Variants in AK7 observed in about 807,000 individuals in gnomAD.
AK7 encodes ATP-AMP transphosphorylase 7.
A neutral mutation model predicts 96.6 loss-of-function variants in AK7; 78 were observed. The observed-to-expected ratio is 0.81, with a 90% CI of 0.67 to 0.97. The LOEUF is 0.97. Among genes scored for constraint, AK7 ranks in the 50% least tolerant of loss-of-function variants. AK7 has a pLI of 0.00. For synonymous variants in AK7, 302 were observed against 317.2 expected (o/e 0.95, Z 0.51); for missense variants, 855 against 887.9 (o/e 0.96, Z 0.47).
chr14:96,464,884 G>T (rs1192845255), intron 12 of AK7, among the ~76,000 whole-genome samples: 1 of 152,134 alleles, frequency 6.6e-6, no homozygotes, highest in Non-Finnish European at 1.5e-5. Context: ...TCACCCAGCA[G>T]GTTTGGCTTT....
chr14:96,459,561 T>C (rs143977608), intron 12 of AK7, among the ~76,000 whole-genome samples: 1,583 of 152,056 alleles, frequency 0.01, 19 homozygotes, highest in Middle Eastern at 0.014. Flanking sequence ...AAATCCTTAA[T>C]AGAAAAAAAT....
chr14:96,406,440 G>A lies in AK7; in HGVS notation c.403+1575G>A, dbSNP rs8016521. ...TTTTACTGCTTCCTTCTAATAAAGA[G>A]GTTCGAATCATCAAGAAAATTTTCC... On this transcript the variant is annotated intron_variant, in intron 3 of 17. Coordinates refer to ENST00000267584, the MANE Select transcript of AK7 (RefSeq NM_152327.5). 8.8e-3 allele frequency among the ~76,000 whole-genome samples: 1,338 copies of A among 152,246 alleles called. 22 individuals are homozygous for A. The highest frequency in any genetic ancestry group is 0.031 in the African/African-American group (1,289 of 41,550).
At chr14:96,471,730 G>T (rs527255055) in intron 13 of AK7, 124 bp downstream of exon 13, 9 of 871,672 alleles carry the variant, frequency 1.0e-5, no homozygotes, top group Non-Finnish European at 9.4e-6. Context: ...TTTGAGCTTT[G>T]GCTCACCTTT....
rs1447693006 is a variant in AK7 at position 96,478,616 on chromosome 14, T to C, written c.1707T>C (p.Thr569=). The change falls in exon 15 of 18, where the codon ACT becomes ACC. Residue 569 remains threonine (T), a synonymous_variant. Coordinates refer to ENST00000267584, the MANE Select transcript of AK7 (RefSeq NM_152327.5). ...NYRDINIDDE[T]VFNYFDELEI... is the part of the protein sequence containing the mutation. The stretch of plus-strand genomic sequence containing the variant: ...GGGACATCAATATCGACGATGAGAC[T>C]GTCTTCAACTATTTTGATGAACTTG... 3 of 1,614,224 alleles carry C rather than the reference T, an allele frequency of 1.9e-6. No individual in the cohort carries two copies. The highest frequency in any genetic ancestry group is 1.3e-5 in the African/African-American group (1 of 75,074).
chr14:96,453,650 T>C lies in AK7; in HGVS notation c.1098+2080T>C, dbSNP rs560480467. On this transcript the variant is annotated intron_variant, in intron 10 of 17. Coordinates refer to ENST00000267584, the MANE Select transcript of AK7 (RefSeq NM_152327.5). ...TCTGATCAAAGCTCATCAAGCAGCC[T>C]TATAAGACTTGGCTCCCAGTGTCCA... 5.3e-5 allele frequency among the ~76,000 whole-genome samples: 8 copies of C among 152,340 alleles called. No individual in the cohort carries two copies. The East Asian group carries it at 1.5e-3, about 29-fold the overall frequency.
At chr14:96,449,286 C>A (rs1893436972) in intron 8 of AK7, among the ~76,000 whole-genome samples, 3 of 152,220 alleles carry the variant, frequency 2.0e-5, no homozygotes, top group African/African-American at 7.2e-5. Flanking sequence ...TGATAAATAT[C>A]TGTGTACAGT....
In AK7 at chr14:96,420,722, T is replaced by C. The variant is rs763446881; in HGVS notation, c.499-100T>C. 5.1e-4 allele frequency: 436 copies of C among 847,158 alleles called. 1 individual carries two copies. The highest frequency in any genetic ancestry group is 5.6e-4 in the Non-Finnish European group (307 of 544,658). The allele number at this position is 847,158 out of a possible 1,614,324, so 52.5% of individuals were successfully genotyped here. A position where few individuals can be genotyped will look rare whatever the true frequency, so the allele number is the denominator to read the frequency against. On this transcript the variant is annotated intron_variant, in intron 4 of 17. Coordinates refer to ENST00000267584, the MANE Select transcript of AK7 (RefSeq NM_152327.5). ...ATAAAAAAATAAATCAAGCGGTAGTTTTAAGCTTTATTTGAGCTTAAAGGA... is the reference window on the plus strand; with the variant it reads ...ATAAAAAAATAAATCAAGCGGTAGTCTTAAGCTTTATTTGAGCTTAAAGGA...
chr14:96,424,242 C>T (rs530362391), intron 5 of AK7: 2 of 437,258 alleles, frequency 4.6e-6, no homozygotes, highest in Admixed American at 4.4e-5. Context: ...AGCGCGCAGC[C>T]GGGAGTGCCG....
At chr14:96,442,221 C>T (rs529422001) in intron 6 of AK7, among the ~76,000 whole-genome samples, 2 of 152,294 alleles carry the variant, frequency 1.3e-5, no homozygotes, top group Admixed American at 1.3e-4. Flanking sequence ...CAAGTGTATC[C>T]TCCTGCATGC....
At chr14:96,466,805 G>A (rs1356108976) in intron 12 of AK7, among the ~76,000 whole-genome samples, 3 of 152,066 alleles carry the variant, frequency 2.0e-5, no homozygotes, top group South Asian at 4.1e-4. Context: ...TTTCACTAAC[G>A]TCATGTAGAA....
At chr14:96,448,287 A>C (rs1893360614) in intron 8 of AK7, among the ~76,000 whole-genome samples, 1 of 152,128 alleles carries the variant, frequency 6.6e-6, no homozygotes, top group Non-Finnish European at 1.5e-5. Context: ...CGAGTAGCTT[A>C]TAAAAAATAG....
chr14:96,418,014 C>A (rs1891443182), intron 4 of AK7, among the ~76,000 whole-genome samples: 1 of 151,956 alleles, frequency 6.6e-6, no homozygotes, highest in African/African-American at 2.4e-5. Flanking sequence ...GATCACTTTG[C>A]AGTCCTGCTT....
In AK7 at chr14:96,424,143, A is replaced by G. The variant is rs968995145; in HGVS notation, c.609+3211A>G. The G allele has an allele frequency of 6.3e-6, 4 of 631,670 alleles. No individual in the cohort carries two copies. The African/African-American group carries it at 7.3e-5, about 12-fold the overall frequency. 39.1% of individuals were successfully genotyped at this position (631,670 alleles called of 1,614,324 possible). ...CCGCCACCCCGTGCAGGTGACATGC[A>G]GCGGGTGCTGCGGCTGTTCGTCCAC... On this transcript the variant is annotated intron_variant, in intron 5 of 17. Transcript: ENST00000267584.
rs1362131620 is a variant in AK7 at position 96,392,176 on chromosome 14, G to C, written c.22G>C (p.Ala8Pro). The C allele has an allele frequency of 6.2e-7, 1 of 1,613,410 alleles. No individual in the cohort carries two copies. Among genetic ancestry groups the C allele is most frequent in the Non-Finnish European group, 8.5e-7 (1 of 1,179,494 alleles). The change falls in exon 1 of 18, where the codon GCT becomes CCT. Residue 8 changes from alanine (A) to proline (P), a missense_variant. Coordinates refer to ENST00000267584, the MANE Select transcript of AK7 (RefSeq NM_152327.5). ...CACCATGGCTGAAGAAGAGGAAACT[G>C]CTGCTCTCACGGAGAAGGTTATCCG... MAEEEET[A>P]ALTEKVIRTQ...
chr14:96,468,073 C>CAAAAAAAAAAA (rs35563628), intron 12 of AK7, among the ~76,000 whole-genome samples: 2 of 79,132 alleles, frequency 2.5e-5, no homozygotes, highest in South Asian at 4.3e-4. Context: ...CCCGTCTCTA[C>CAAAAAAAAAAA]AAAAAAAAAA....
At chr14:96,446,309 C>T (rs1259296513) in intron 7 of AK7, among the ~76,000 whole-genome samples, 1 of 152,182 alleles carries the variant, frequency 6.6e-6, no homozygotes, top group Non-Finnish European at 1.5e-5. Flanking sequence ...AGCTCTTCAG[C>T]CTGAGAAATG....
At chr14:96,427,457 T>TC (rs1892093050) in intron 5 of AK7, among the ~76,000 whole-genome samples, 2 of 152,164 alleles carry the variant, frequency 1.3e-5, no homozygotes, top group African/African-American at 4.8e-5. Flanking sequence ...TCATGAGAAC[T>TC]CACTCACTAT....
intron 3 of AK7, 129 bp from the exon 4 acceptor site, chr14:96,408,718 G>A (rs529946014): frequency 1.9e-5 from 14 of 732,046 alleles, no homozygotes; most frequent in African/African-American, 1.8e-4. Context: ...ATGGGAACAG[G>A]TCAAAGAAGC....
chr14:96,407,270 G>T (rs1890763166), intron 3 of AK7, among the ~76,000 whole-genome samples: 1 of 152,052 alleles, frequency 6.6e-6, no homozygotes, highest in East Asian at 1.9e-4. Context: ...AGGGCAGAAA[G>T]GTTAAAAGAG....
Sources: gnomAD v4.1 joint callset for allele counts (sites outside exome capture counted in the v4.1 genomes callset) on GRCh38, gnomAD v4.1.1 for gene constraint, MANE v1.5 for transcripts, NCBI Gene and HGNC (gene_info 2026-07-23, HGNC 2026-07-21) for gene names.